The following HACL1 variants were observed in gnomAD, a reference collection of about 807,000 sequenced individuals.
The protein encoded by HACL1 is 2-hydroxyacyl-CoA lyase 1.
A neutral mutation model predicts 74.2 loss-of-function variants in HACL1; 64 were observed. That is an observed-to-expected ratio of 0.86 (90% CI 0.70 to 1.06). HACL1 has a LOEUF of 1.06. Among genes scored for constraint, HACL1 ranks in the 50% least tolerant of loss-of-function variants. The probability of loss-of-function intolerance (pLI) is 0.00; values close to 1 mark genes in which losing one functional copy is unlikely to be tolerated. For missense variants in HACL1, 728 were observed against 719.7 expected (o/e 1.01, Z -0.13); for synonymous variants, 230 against 238.8 (o/e 0.96, Z 0.34).
At position 15,582,946 on chromosome 3, in the gene HACL1, T is replaced by C; in HGVS notation, c.598A>G (p.Thr200Ala). Reference sequence around the variant, plus strand: ...GAAGCCGCCGTGCACACAGCAGAGGTTTCTGCCATGCTAATAGGAGGTGAC... The same window carrying C: ...GAAGCCGCCGTGCACACAGCAGAGGCTTCTGCCATGCTAATAGGAGGTGAC... ...CMSPPISMAE[T>A]SAVCTAASVI... The change falls in exon 8 of 17, where the codon ACC becomes GCC. Residue 200 changes from threonine (T) to alanine (A), a missense_variant. Transcript: ENST00000321169. The C allele has an allele frequency of 6.2e-7, 1 of 1,611,318 alleles. No individual in the cohort carries two copies. The highest frequency in any genetic ancestry group is 8.5e-7 in the Non-Finnish European group (1 of 1,178,220).
At chr3:15,590,237 A>G (rs947316880) in intron 4 of HACL1, among the ~76,000 whole-genome samples, 2 of 152,118 alleles carry the variant, frequency 1.3e-5, no homozygotes, top group Admixed American at 1.3e-4. Context: ...TTCTTGGGAT[A>G]AGGGGAAGAA....
chr3:15,583,871 T>G (rs895611944), intron 7 of HACL1, among the ~76,000 whole-genome samples: 1 of 152,056 alleles, frequency 6.6e-6, no homozygotes, highest in African/African-American at 2.4e-5. Flanking sequence ...TTGGCCAGGT[T>G]GGTCTCAAAC....
At chr3:15,570,609 T>C (rs965784780) in intron 12 of HACL1, among the ~76,000 whole-genome samples, 3 of 148,328 alleles carry the variant, frequency 2.0e-5, no homozygotes, top group Non-Finnish European at 3.0e-5. Context: ...CTTTCTCACA[T>C]AGGGAAAGCA....
chr3:15,600,370 T>C (rs2064178755), intron 2 of HACL1, among the ~76,000 whole-genome samples: 1 of 152,236 alleles, frequency 6.6e-6, no homozygotes, highest in Non-Finnish European at 1.5e-5. Flanking sequence ...GTATGTGATA[T>C]CACAGAAGTG....
intron 4 of HACL1, among the ~76,000 whole-genome samples, chr3:15,590,811 T>C (rs1308940802): frequency 2.6e-5 from 4 of 152,234 alleles, no homozygotes; most frequent in Admixed American, 2.0e-4. Flanking sequence ...CTGGGTGCGG[T>C]GGCTCATGCC....
At chr3:15,589,459 T>A (rs1038161486) in intron 5 of HACL1, 81 bp downstream of exon 5, 9 of 840,130 alleles carry the variant, frequency 1.1e-5, no homozygotes, top group Non-Finnish European at 1.8e-5. Flanking sequence ...ATGGCACCAC[T>A]GCACTGCAGC....
chr3:15,594,532 A>T (rs1267450221), intron 3 of HACL1, among the ~76,000 whole-genome samples: 2 of 152,352 alleles, frequency 1.3e-5, no homozygotes, highest in East Asian at 3.9e-4. Flanking sequence ...TTTCTTAAAA[A>T]TTTCTGTTTA....
rs140972844 is a variant in HACL1 at position 15,568,478 on chromosome 3, T to C, written c.1204A>G (p.Met402Val). The C allele has an allele frequency of 1.2e-6, 2 of 1,606,392 alleles. No individual in the cohort carries two copies. Among genetic ancestry groups the C allele is most frequent in the East Asian group, 2.2e-5 (1 of 44,834 alleles). ...TGAAGCACAGTCCGTCCAATGTCCATAGTATTTGCTCCTTCACTTACCACG... is the reference window on the plus strand; with the variant it reads ...TGAAGCACAGTCCGTCCAATGTCCACAGTATTTGCTCCTTCACTTACCACG... ...CFVVSEGANT[M>V]DIGRTVLQNY... Residue 402 changes from methionine to valine, a missense_variant, in exon 13 of 17, where the codon ATG becomes GTG. By Grantham distance (21) the Met-to-Val change is conservative. Transcript: ENST00000321169.
At chr3:15,591,270 A>G (rs1237332287) in intron 4 of HACL1, among the ~76,000 whole-genome samples, 1 of 152,070 alleles carries the variant, frequency 6.6e-6, no homozygotes, top group East Asian at 1.9e-4. Context: ...TATTGTAGAA[A>G]TAGTCACTTT....
intron 2 of HACL1, among the ~76,000 whole-genome samples, chr3:15,598,335 G>A (rs767683998): frequency 3.3e-5 from 5 of 152,122 alleles, no homozygotes; most frequent in Non-Finnish European, 7.4e-5. Context: ...CTGGTTTTAT[G>A]ACCATAAAAG....
At chr3:15,574,915 G>A (rs572669198) in intron 10 of HACL1, 62 bp downstream of exon 10, 6 of 746,150 alleles carry the variant, frequency 8.0e-6, no homozygotes, top group South Asian at 3.3e-5. Context: ...AGCTGATTAC[G>A]GCTGATAGGG....
intron 9 of HACL1, among the ~76,000 whole-genome samples, chr3:15,576,541 T>G (rs1435489710): frequency 6.6e-6 from 1 of 152,226 alleles, no homozygotes; most frequent in African/African-American, 2.4e-5. Context: ...TTCACATATC[T>G]TTGCCCAGTC....
At position 15,592,219 on chromosome 3, in the gene HACL1, T is replaced by C. The variant is rs372460615; in HGVS notation, c.228-539A>G. Reference sequence around the variant, plus strand: ...ATATATGTATACATGCGTGTATATATGTATACATACGTATATACGTATACA... The same window carrying C: ...ATATATGTATACATGCGTGTATATACGTATACATACGTATATACGTATACA... On this transcript the variant is annotated intron_variant, in intron 3 of 16. Transcript: ENST00000321169. 1.9e-4 allele frequency among the ~76,000 whole-genome samples: 29 copies of C among 150,600 alleles called. No homozygotes were observed. The South Asian group carries it at 5.2e-3, about 27-fold the overall frequency.
intron 4 of HACL1, 68 bp from the exon 5 acceptor site, chr3:15,589,680 G>A (rs764983208): frequency 5.5e-6 from 5 of 903,456 alleles, no homozygotes; most frequent in Non-Finnish European, 9.0e-6. Context: ...TAAACACAGT[G>A]TCTAATTCAC....
Position 15,592,095 on chromosome 3 carries a change from C to CGTA in HACL1, c.228-416_228-415insTAC, listed in dbSNP as rs1488882616. ...ATACGTATACGTATATATACACACA[C>CGTA]TATATACGTATATATACACACTATA... On this transcript the variant is annotated intron_variant, in intron 3 of 16. Transcript: ENST00000321169. Among the ~76,000 whole-genome samples the CGTA allele has an allele frequency of 2.6e-3, 360 of 139,414 alleles. 1 individual carries two copies. Among genetic ancestry groups the CGTA allele is most frequent in the African/African-American group, 0.01 (345 of 33,528 alleles). 91.5% of individuals were successfully genotyped at this position (139,414 alleles called of 152,430 possible). A position where few individuals can be genotyped will look rare whatever the true frequency, so the allele number is the denominator to read the frequency against.
At chr3:15,564,998 C>G (rs2063408649) in intron 14 of HACL1, among the ~76,000 whole-genome samples, 1 of 152,074 alleles carries the variant, frequency 6.6e-6, no homozygotes, top group Non-Finnish European at 1.5e-5. Context: ...AACCCCGTCT[C>G]TACTAAAAAT....
At chr3:15,561,216 A>G (rs1037606579) in intron 16 of HACL1, among the ~76,000 whole-genome samples, 3 of 152,254 alleles carry the variant, frequency 2.0e-5, no homozygotes, top group Admixed American at 6.5e-5. Flanking sequence ...CAGAGGGCTG[A>G]GCTCCCAGGT....
intron 2 of HACL1, among the ~76,000 whole-genome samples, chr3:15,597,471 C>G (rs1279083966): frequency 6.6e-6 from 1 of 150,558 alleles, no homozygotes; most frequent in Non-Finnish European, 1.5e-5. Flanking sequence ...GCTGAGTGCT[C>G]TCTCAAATTC....
intron 16 of HACL1, among the ~76,000 whole-genome samples, chr3:15,561,717 G>A (rs991448883): frequency 6.6e-6 from 1 of 152,148 alleles, no homozygotes; most frequent in Non-Finnish European, 1.5e-5. Flanking sequence ...CAGTCTCACT[G>A]TCACCCAGAT....
Sources: gnomAD v4.1 joint callset for allele counts (sites outside exome capture counted in the v4.1 genomes callset) on GRCh38, gnomAD v4.1.1 for gene constraint, MANE v1.5 for transcripts, NCBI Gene and HGNC (gene_info 2026-07-23, HGNC 2026-07-21) for gene names.